The following WNK1 variants were observed in gnomAD, a reference collection of about 807,000 sequenced individuals.
The protein encoded by WNK1 is WNK lysine deficient protein kinase 1, also known as serine/threonine-protein kinase WNK1.
WNK1 carries 38 observed loss-of-function variants against 222.8 expected under a neutral mutation model. That is an observed-to-expected ratio of 0.17 (90% CI 0.13 to 0.22). WNK1 has a LOEUF of 0.22. Among genes scored for constraint, WNK1 ranks in the 10% least tolerant of loss-of-function variants. The pLI, the probability that WNK1 is intolerant of heterozygous loss-of-function variation, is 1.00. For synonymous variants in WNK1, 1,090 were observed against 1,092.9 expected, an observed-to-expected ratio of 1.00 and a Z score of 0.05; for missense variants, 2,348 against 2,918.4, an observed-to-expected ratio of 0.80 and a Z score of 4.50.
chr12:887,940 A>T (rs201067064), intron 20 of WNK1, among the ~76,000 whole-genome samples: 1 of 152,192 alleles, frequency 6.6e-6, no homozygotes, highest in African/African-American at 2.4e-5. Flanking sequence ...CCCATCTCAC[A>T]CAGTTCTGCT....
At position 898,646 on chromosome 12, in the gene WNK1, A is replaced by C. The variant is rs183332746; in HGVS notation, c.6448+965A>C. The stretch of plus-strand genomic sequence containing the variant: ...TGCAGTGGTGTGATCATAGCACACA[A>C]CACAACAGCCTCAAACTCCTAGGCT... On this transcript the variant is annotated intron_variant, in intron 25 of 27. Transcript: ENST00000315939. Among the ~76,000 whole-genome samples the C allele has an allele frequency of 2.6e-5, 4 of 152,092 alleles. No individual in the cohort carries two copies. In the East Asian group the frequency reaches 7.7e-4, roughly 29 times the overall value.
intron 1 of WNK1, among the ~76,000 whole-genome samples, 196 bp from the exon 2 acceptor site, chr12:813,446 C>T (rs758671735): frequency 2.0e-5 from 3 of 152,144 alleles, no homozygotes; most frequent in Non-Finnish European, 2.9e-5. Flanking sequence ...ATCTGAGTTA[C>T]ACATTAACAG....
chr12:865,882 A>AGT (rs1316731320), intron 8 of WNK1, among the ~76,000 whole-genome samples: 1 of 152,082 alleles, frequency 6.6e-6, no homozygotes, highest in African/African-American at 2.4e-5. Context: ...AAGATGATGT[A>AGT]TCAGCAAACC....
chr12:832,115 G>T (rs538924650), intron 4 of WNK1, among the ~76,000 whole-genome samples: 9 of 151,818 alleles, frequency 5.9e-5, no homozygotes, highest in East Asian at 5.8e-4. Flanking sequence ...TCGCTCTGTC[G>T]CCCAGGCTGG....
chr12:830,310 T>A, intron 4 of WNK1, 150 bp downstream of exon 4: 1 of 835,410 alleles, frequency 1.2e-6, no homozygotes, highest in Non-Finnish European at 2.0e-6. Context: ...GAGGTATGTG[T>A]AAGGCTATTG....
At chr12:801,341 A>C (rs1305467783) in intron 1 of WNK1, among the ~76,000 whole-genome samples, 1 of 152,118 alleles carries the variant, frequency 6.6e-6, no homozygotes, top group East Asian at 1.9e-4. Context: ...GCAGCGTTGA[A>C]AATTGAGGAG....
In WNK1 at chr12:885,124, C is replaced by G; in HGVS notation, c.4320C>G (p.Ile1440Met). Residue 1440 changes from isoleucine to methionine, a missense_variant, in exon 19 of 28, where the codon ATC (isoleucine) becomes ATG (methionine). By Grantham distance (10) the Ile-to-Met change is conservative (BLOSUM62 1). Transcript: ENST00000315939. ...AAGTCCCCACATCCACATCTGAGAT[C>G]GTTGTTTCTAGTACAGCACTGTATC... ...SLQVPTSTSE[I>M]VVSSTALYPS... The G allele has an allele frequency of 1.2e-6, 2 of 1,614,196 alleles. No individual in the cohort carries two copies. The highest frequency in any genetic ancestry group is 2.2e-5 in the East Asian group (1 of 44,886).
chr12:754,391 A>T (rs1939649285), intron 1 of WNK1, 67 bp downstream of exon 1: 1 of 1,600,244 alleles, frequency 6.2e-7, no homozygotes, highest in Admixed American at 1.7e-5. Context: ...AAGCCAGTTG[A>T]TCGAGTTCAC....
At chr12:850,317 A>G (rs1042205843) in intron 4 of WNK1, among the ~76,000 whole-genome samples, 11 of 152,050 alleles carry the variant, frequency 7.2e-5, no homozygotes, top group African/African-American at 2.7e-4. Context: ...TCTGATGGCC[A>G]GTGATGATGA....
chr12:895,116 T>C (rs1592222093), intron 23 of WNK1, among the ~76,000 whole-genome samples: 1 of 152,262 alleles, frequency 6.6e-6, no homozygotes, highest in East Asian at 1.9e-4. Context: ...TAAGATTAAT[T>C]CTTTAAATTA....
chr12:824,216 C>CTTTTTTTTTTTTTTTTTTT (rs1207566592), intron 2 of WNK1, among the ~76,000 whole-genome samples: 1 of 126,128 alleles, frequency 7.9e-6, no homozygotes, highest in Non-Finnish European at 1.7e-5. Context: ...GCAGAGACAT[C>CTTTTTTTTTTTTTTTTTTT]TTTTTTTTTT....
chr12:898,941 A>G lies in WNK1; in HGVS notation c.6448+1260A>G, dbSNP rs546368572. Among the ~76,000 whole-genome samples, 90 of 152,072 alleles carry G rather than the reference A, an allele frequency of 5.9e-4. No individual in the cohort carries two copies. In the South Asian group the frequency reaches 0.012, roughly 21 times the overall value. On this transcript the variant is annotated intron_variant, in intron 25 of 27. Transcript: ENST00000315939. Reference sequence around the variant, plus strand: ...TTTTTAGTAGAGATGGGGTTTCACTATGTTGGCCAGGCTGGTCTCAAACTC... The same window carrying G: ...TTTTTAGTAGAGATGGGGTTTCACTGTGTTGGCCAGGCTGGTCTCAAACTC...
intron 8 of WNK1, 128 bp downstream of exon 8, chr12:862,398 C>A: frequency 9.5e-7 from 1 of 1,050,944 alleles, no homozygotes; most frequent in Non-Finnish European, 1.4e-6. Context: ...TGCTGTGTCT[C>A]TAAAGCCTTA....
At position 887,265 on chromosome 12, in the gene WNK1, C is replaced by A; in HGVS notation, c.5325C>A (p.Ser1775Arg). Residue 1775 changes from serine (S) to arginine (R), a missense_variant, in exon 20 of 28, where the codon AGC becomes AGA. Coordinates refer to ENST00000315939, the MANE Select transcript of WNK1 (RefSeq NM_018979.4). ...AACTTCCAGCAGGTACTCTACCCAG[C>A]GAGCAGCTGCCACCTTTTCCAGGAC... Reference protein sequence around the residue: ...GTELPAGTLPSEQLPPFPGPS... With the variant: ...GTELPAGTLPREQLPPFPGPS... 6.2e-7 allele frequency: 1 copy of A among 1,614,172 alleles called. No homozygotes were observed. Among genetic ancestry groups the A allele is most frequent in the Non-Finnish European group, 8.5e-7 (1 of 1,180,024 alleles).
Position 762,030 on chromosome 12 carries a change from A to G in WNK1, c.759+7706A>G, listed in dbSNP as rs1221817449. ...GTATTTTCATATAACCTACAGTAGTACATCCTCCTGTATAGTTTATTTTTT... is the reference window on the plus strand; with the variant it reads ...GTATTTTCATATAACCTACAGTAGTGCATCCTCCTGTATAGTTTATTTTTT... On this transcript the variant is annotated intron_variant, in intron 1 of 27. Coordinates refer to ENST00000315939, the MANE Select transcript of WNK1 (RefSeq NM_018979.4). Among the ~76,000 whole-genome samples the G allele has an allele frequency of 2.1e-5, 3 of 142,954 alleles. No individual in the cohort carries two copies. In the Admixed American group the frequency reaches 2.1e-4, roughly 10 times the overall value. 93.8% of individuals were successfully genotyped at this position (142,954 alleles called of 152,430 possible). A position where few individuals can be genotyped will look rare whatever the true frequency, so the allele number is the denominator to read the frequency against.
chr12:868,652 T>A, intron 8 of WNK1: 1 of 1,613,970 alleles, frequency 6.2e-7, no homozygotes, highest in Non-Finnish European at 8.5e-7. Context: ...CACACCAAGC[T>A]CCTCTTCAGG....
chr12:862,373 G>A (rs1951284479), intron 8 of WNK1, 103 bp downstream of exon 8: 1 of 1,256,492 alleles, frequency 8.0e-7, no homozygotes. Context: ...TGAGTCTGAA[G>A]TAGAAAATAT....
intron 13 of WNK1, 54 bp from the exon 14 acceptor site, chr12:881,857 A>G: frequency 6.2e-7 from 1 of 1,613,754 alleles, no homozygotes; most frequent in Non-Finnish European, 8.5e-7. Flanking sequence ...AAACTGTCAG[A>G]CCTTTAAATC....
At chr12:854,743 C>T (rs1165575769) in intron 4 of WNK1, among the ~76,000 whole-genome samples, 1 of 152,184 alleles carries the variant, frequency 6.6e-6, no homozygotes, top group Non-Finnish European at 1.5e-5. Context: ...AGTTGTTCCT[C>T]CCTGTCTGGG....
Sources: allele counts gnomAD v4.1 joint callset (sites outside exome capture counted in the v4.1 genomes callset), GRCh38; gene constraint gnomAD v4.1.1; transcripts MANE v1.5; gene names NCBI Gene and HGNC (gene_info 2026-07-23, HGNC 2026-07-21).